Variants in MAPKBP1 observed in about 807,000 individuals in gnomAD.
MAPKBP1 encodes the protein mitogen-activated protein kinase binding protein 1, also known as mitogen-activated protein kinase-binding protein 1.
MAPKBP1 carries 71 observed loss-of-function variants against 170.5 expected under a neutral mutation model. That is an observed-to-expected ratio of 0.42 (90% CI 0.34 to 0.51). The LOEUF (loss-of-function observed/expected upper bound fraction) is 0.51, where lower values mean the gene tolerates loss of function less well. MAPKBP1 is among the 20% of genes least tolerant of loss of function. The pLI is 0.06. For missense variants in MAPKBP1, 1,598 were observed against 1,933.0 expected (o/e 0.83, Z 3.25); for synonymous variants, 719 against 757.9 (o/e 0.95, Z 0.84).
intron 2 of MAPKBP1, among the ~76,000 whole-genome samples, chr15:41,786,180 T>A (rs999708488): frequency 1.3e-5 from 2 of 152,208 alleles, no homozygotes; most frequent in African/African-American, 4.8e-5. Flanking sequence ...ATATATATGT[T>A]AGTATATGCA....
At chr15:41,793,073 A>T (rs925553325) in intron 2 of MAPKBP1, among the ~76,000 whole-genome samples, 1 of 152,212 alleles carries the variant, frequency 6.6e-6, no homozygotes, top group African/African-American at 2.4e-5. Flanking sequence ...AGATGCAGAT[A>T]TGAGAACCCA....
At chr15:41,797,752 C>G (rs573166227) in intron 2 of MAPKBP1, among the ~76,000 whole-genome samples, 1 of 152,178 alleles carries the variant, frequency 6.6e-6, no homozygotes, top group Non-Finnish European at 1.5e-5. Flanking sequence ...GGTTGCTGCT[C>G]TGTATTGAAA....
chr15:41,804,627 C>T (rs1206296348), intron 3 of MAPKBP1, among the ~76,000 whole-genome samples: 1 of 152,206 alleles, frequency 6.6e-6, no homozygotes, highest in African/African-American at 2.4e-5. Flanking sequence ...GGACTCCAGG[C>T]CTGGCCTTTA....
chr15:41,811,720 G>A (rs1448752063), intron 5 of MAPKBP1: 1 of 679,322 alleles, frequency 1.5e-6, no homozygotes, highest in African/African-American at 1.8e-5. Context: ...TGAACAACCT[G>A]AAGTACAGAC....
intron 5 of MAPKBP1, 47 bp from the exon 6 acceptor site, chr15:41,811,910 C>T (rs1167173792): frequency 1.9e-6 from 3 of 1,601,590 alleles, no homozygotes; most frequent in African/African-American, 2.7e-5. Context: ...GGGCTGTATG[C>T]CTGTGGAGAA....
At chr15:41,815,489 C>A in intron 11 of MAPKBP1, 84 bp downstream of exon 11, 1 of 1,573,732 alleles carries the variant, frequency 6.4e-7, no homozygotes, top group South Asian at 1.2e-5. Context: ...GGGAACTGGT[C>A]CCTAGGCCTT....
intron 2 of MAPKBP1, among the ~76,000 whole-genome samples, chr15:41,791,812 C>T (rs2064400714): frequency 6.6e-6 from 1 of 152,144 alleles, no homozygotes; most frequent in African/African-American, 2.4e-5. Flanking sequence ...ACCTCATCTT[C>T]TCCATGCTCT....
In MAPKBP1 at chr15:41,817,646, C is replaced by A. The variant is rs1265066572; in HGVS notation, c.1815C>A (p.His605Gln). The change falls in exon 16 of 31, where the codon CAC (histidine) becomes CAA (glutamine). Residue 605 changes from histidine (H) to glutamine (Q), a missense_variant. This residue lies in a region of MAPKBP1 where 430 missense variants were observed against 617.2 expected (regional missense o/e 0.70). Coordinates refer to ENST00000457542, the MANE Select transcript of MAPKBP1 (RefSeq NM_014994.3). This position sits in a 1 kb window ranked among gnomAD's most constrained non-coding sequence, Gnocchi z 4.2. Reference protein sequence around the residue: ...SGDGVQFTRTHHVVRKTTLYD... With the variant: ...SGDGVQFTRTQHVVRKTTLYD... ...ATGGAGTGCAGTTCACACGGACACA[C>A]CACGTGGTGCGGAAGACGACCCTCT... The A allele has an allele frequency of 2.5e-6, 4 of 1,614,110 alleles. No individual in the cohort carries two copies. The highest frequency in any genetic ancestry group is 3.4e-6 in the Non-Finnish European group (4 of 1,180,050).
intron 2 of MAPKBP1, among the ~76,000 whole-genome samples, chr15:41,787,331 T>C (rs576848358): frequency 1.7e-4 from 26 of 151,990 alleles, no homozygotes; most frequent in African/African-American, 6.3e-4. Context: ...TTAAAGCTCT[T>C]TTTGATCAAC....
At position 41,823,065 on chromosome 15, in the gene MAPKBP1, G is replaced by A. The variant is rs545876106; in HGVS notation, c.3441G>A (p.Pro1147=). ...CTGGAGCACCCCCGGAGGTGGAACC[G>A]TCCTCTGGCAACCCCAGCCCCCAGC... The part of the protein sequence containing the change: ...NPPGAPPEVE[P]SSGNPSPQQA... The change falls in exon 28 of 31, where the codon CCG becomes CCA. Residue 1147 remains proline, a synonymous_variant. Coordinates refer to ENST00000457542, the MANE Select transcript of MAPKBP1 (RefSeq NM_014994.3). 7.1e-5 allele frequency: 115 copies of A among 1,613,854 alleles called. No individual in the cohort carries two copies. The highest frequency in any genetic ancestry group is 3.4e-4 in the South Asian group (31 of 91,084).
intron 2 of MAPKBP1, among the ~76,000 whole-genome samples, chr15:41,792,681 G>A (rs1478981947): frequency 6.6e-6 from 1 of 152,194 alleles, no homozygotes; most frequent in Admixed American, 6.5e-5. Context: ...AGACACAGTT[G>A]CCTGGACTGG....
intron 2 of MAPKBP1, among the ~76,000 whole-genome samples, chr15:41,799,166 C>T (rs2064546796): frequency 6.6e-6 from 1 of 152,092 alleles, no homozygotes; most frequent in Non-Finnish European, 1.5e-5. Context: ...TATCTTTCAT[C>T]TCTGTGGGAG....
intron 2 of MAPKBP1, among the ~76,000 whole-genome samples, chr15:41,789,472 A>C (rs897704201): frequency 6.6e-6 from 1 of 152,160 alleles, no homozygotes; most frequent in African/African-American, 2.4e-5. Flanking sequence ...TGACTGTACT[A>C]TTAATATAAC....
intron 11 of MAPKBP1, 38 bp from the exon 12 acceptor site, chr15:41,815,586 G>A: frequency 6.3e-7 from 1 of 1,598,574 alleles, no homozygotes; most frequent in Non-Finnish European, 8.5e-7. Flanking sequence ...GTACTGGTCA[G>A]GCCTGCCTCA....
intron 2 of MAPKBP1, among the ~76,000 whole-genome samples, chr15:41,782,410 A>C (rs772432826): frequency 6.6e-6 from 1 of 152,200 alleles, no homozygotes; most frequent in Non-Finnish European, 1.5e-5. Flanking sequence ...GCAGTTTCTG[A>C]GGGACGTGAT....
intron 5 of MAPKBP1, 118 bp from the exon 6 acceptor site, chr15:41,811,839 T>TG (rs1423427652): frequency 1.0e-6 from 1 of 978,716 alleles, no homozygotes; most frequent in Non-Finnish European, 1.6e-6. Flanking sequence ...GACTTTTGGC[T>TG]GGGGAAGTGA....
chr15:41,784,292 A>G (rs1162532975), intron 2 of MAPKBP1, among the ~76,000 whole-genome samples: 1 of 152,112 alleles, frequency 6.6e-6, no homozygotes, highest in East Asian at 1.9e-4. Context: ...AGCAGCTGTC[A>G]CTGAGATACT....
chr15:41,784,034 A>G (rs2064237470), intron 2 of MAPKBP1, among the ~76,000 whole-genome samples: 1 of 152,050 alleles, frequency 6.6e-6, no homozygotes, highest in Non-Finnish European at 1.5e-5. Context: ...TGATTCTTGC[A>G]CCTCTACGCT....
intron 28 of MAPKBP1, 37 bp downstream of exon 28, chr15:41,823,259 G>A: frequency 6.3e-7 from 1 of 1,599,904 alleles, no homozygotes; most frequent in Admixed American, 1.7e-5. Flanking sequence ...AGGGTGCAGG[G>A]TGTATGGAAC....
Sources: gnomAD v4.1 joint callset for allele counts (sites outside exome capture counted in the v4.1 genomes callset) on GRCh38, gnomAD v4.1.1 for gene constraint, gnomAD v4.1.1 regional missense constraint, Gnocchi (gnomAD v3.1) non-coding constraint, MANE v1.5 for transcripts, NCBI Gene and HGNC (gene_info 2026-07-23, HGNC 2026-07-21) for gene names.